The following C12orf42 variants were observed in gnomAD, a reference collection of about 807,000 sequenced individuals.
The protein encoded by C12orf42 is chromosome 12 open reading frame 42, also known as uncharacterized protein C12orf42.
C12orf42 carries 25 observed loss-of-function variants against 21.6 expected under a neutral mutation model. The observed-to-expected ratio is 1.16, with a 90% CI of 0.84 to 1.62. The LOEUF is 1.62. Ranked by LOEUF, C12orf42 falls within the 40% of genes most tolerant of loss-of-function variation. The pLI is 0.00. For missense variants in C12orf42, 483 were observed against 459.3 expected, an observed-to-expected ratio of 1.05 and a Z score of -0.47; for synonymous variants, 174 against 175.0, an observed-to-expected ratio of 0.99 and a Z score of 0.05.
At chr12:103,152,713 G>A in the C12orf42 span, among the ~76,000 whole-genome samples, 1 of 151,820 alleles carries the variant, frequency 6.6e-6, no homozygotes, top group Non-Finnish European at 1.5e-5. Context: ...ATATTTTGTG[G>A]CTAATAAGCA....
chr12:103,265,617 A>G (rs1380919756), downstream of C12orf42, among the ~76,000 whole-genome samples: 1 of 152,172 alleles, frequency 6.6e-6, no homozygotes, highest in African/African-American at 2.4e-5. Context: ...TTTACAGGTG[A>G]CAAAGACAAG....
chr12:103,276,981 T>C (rs929227441), intron 5 of C12orf42, among the ~76,000 whole-genome samples: 1 of 152,130 alleles, frequency 6.6e-6, no homozygotes, highest in African/African-American at 2.4e-5. Flanking sequence ...AGAGAAGGGA[T>C]TGAAAGAGAA....
chr12:103,315,178 TA>T (rs1464016203), intron 4 of C12orf42, among the ~76,000 whole-genome samples: 1 of 152,186 alleles, frequency 6.6e-6, no homozygotes, highest in East Asian at 1.9e-4. Flanking sequence ...TGGTTTTCAA[TA>T]AAAATTATGA....
At chr12:103,425,600 C>T (rs1949738792) in intron 2 of C12orf42, among the ~76,000 whole-genome samples, 2 of 152,316 alleles carry the variant, frequency 1.3e-5, no homozygotes, top group South Asian at 2.1e-4. Flanking sequence ...AGGGGCCTGA[C>T]TGTTAGAAGG....
the C12orf42 span, among the ~76,000 whole-genome samples, chr12:103,050,980 T>C: frequency 6.6e-6 from 1 of 152,174 alleles, no homozygotes; most frequent in African/African-American, 2.4e-5. Context: ...TCTGTGTACA[T>C]TCCTAAACGG....
chr12:103,262,189 T>C lies in C12orf42; in HGVS notation c.*1366+1137A>G, dbSNP rs2034930330. On this transcript the variant is annotated intron_variant and NMD_transcript_variant, in intron 10 of 10. Coordinates refer to the C12orf42 transcript ENST00000547347. ...AGATCACAGTCAAGAAACTTACAAT[T>C]ATTTGTACCTTTCAATTCAATAATT... 3 of 152,204 alleles carry C rather than the reference T, an allele frequency of 2.0e-5. No homozygotes were observed. In the South Asian group the frequency reaches 6.2e-4, roughly 32 times the overall value. 9.4% of individuals were successfully genotyped at this position (152,204 alleles called of 1,614,324 possible).
At chr12:103,260,904 C>T (rs1593230787) in intron 10 of C12orf42, among the ~76,000 whole-genome samples, 1 of 152,074 alleles carries the variant, frequency 6.6e-6, no homozygotes, top group Admixed American at 6.5e-5. Context: ...CTTAGTTGTC[C>T]CCTGAGTAGT....
chr12:103,397,975 C>T (rs746692850), intron 3 of C12orf42, among the ~76,000 whole-genome samples: 21 of 152,158 alleles, frequency 1.4e-4, no homozygotes, highest in Non-Finnish European at 3.1e-4. Flanking sequence ...ACACCCCAAA[C>T]ACACTGACTT....
the C12orf42 span, among the ~76,000 whole-genome samples, chr12:103,218,324 T>C: frequency 6.3e-4 from 96 of 151,658 alleles, 2 homozygotes; most frequent in Non-Finnish European, 1.2e-4. Context: ...TAGAATATAC[T>C]CTTCCTGAGG....
At chr12:103,249,043 A>C (rs2034148862) in intron 10 of C12orf42, among the ~76,000 whole-genome samples, 1 of 152,028 alleles carries the variant, frequency 6.6e-6, no homozygotes, top group Admixed American at 6.6e-5. Flanking sequence ...ATAAAACACA[A>C]CATTAAATGT....
the C12orf42 span, among the ~76,000 whole-genome samples, chr12:103,547,455 T>C: frequency 2.8e-4 from 43 of 152,258 alleles, no homozygotes; most frequent in Non-Finnish European, 1.5e-5. Context: ...CGTGATTGTC[T>C]AAATTTAAAT....
chr12:103,138,044 A>G, the C12orf42 span, among the ~76,000 whole-genome samples: 1 of 152,212 alleles, frequency 6.6e-6, no homozygotes. Flanking sequence ...CAACACATAG[A>G]AATAATAAAT....
the C12orf42 span, among the ~76,000 whole-genome samples, chr12:103,151,446 A>T: frequency 8.5e-5 from 13 of 152,216 alleles, no homozygotes; most frequent in African/African-American, 3.1e-4. Flanking sequence ...AAAATTACAG[A>T]TCAATATATT....
Position 103,458,315 on chromosome 12 carries a change from T to C in C12orf42, c.78+20034A>G, listed in dbSNP as rs143097085. 2.4e-3 allele frequency among the ~76,000 whole-genome samples: 361 copies of C among 151,800 alleles called. 1 individual carries two copies. The highest frequency in any genetic ancestry group is 8.0e-3 in the African/African-American group (331 of 41,170). The stretch of plus-strand genomic sequence containing the variant: ...AGACTCTGAAACTAGGAGATTTGTA[T>C]CTTTCTTTGTAGAAAAAAAAAAATA... On this transcript the variant is annotated intron_variant, in intron 2 of 5. Coordinates refer to ENST00000548883, the MANE Select transcript of C12orf42 (RefSeq NM_198521.5).
At chr12:103,115,216 T>C in the C12orf42 span, among the ~76,000 whole-genome samples, 1 of 152,230 alleles carries the variant, frequency 6.6e-6, no homozygotes, top group Non-Finnish European at 1.5e-5. Context: ...TGCTCTCAAA[T>C]TGTGGAACTG....
chr12:103,176,414 T>C, the C12orf42 span, among the ~76,000 whole-genome samples: 1 of 152,158 alleles, frequency 6.6e-6, no homozygotes, highest in Admixed American at 6.6e-5. Context: ...AAACAGCAAC[T>C]ACATTTTAGG....
At chr12:103,442,018 C>T (rs1382710287) in intron 2 of C12orf42, among the ~76,000 whole-genome samples, 8 of 151,976 alleles carry the variant, frequency 5.3e-5, no homozygotes, top group African/African-American at 9.7e-5. Flanking sequence ...GTGGTGTGCA[C>T]CTGTAGTCCC....
chr12:103,160,372 G>T, the C12orf42 span, among the ~76,000 whole-genome samples: 1 of 152,148 alleles, frequency 6.6e-6, no homozygotes, highest in Non-Finnish European at 1.5e-5. Context: ...CAATGTGAAA[G>T]GTTTATAGGA....
At chr12:103,387,447 AACTGC>A (rs1468531445) in intron 3 of C12orf42, among the ~76,000 whole-genome samples, 1 of 152,200 alleles carries the variant, frequency 6.6e-6, no homozygotes, top group Non-Finnish European at 1.5e-5. Context: ...ACAACCATCG[AACTGC>A]CATTTATTTT....
Sources: gnomAD v4.1 joint callset for allele counts (sites outside exome capture counted in the v4.1 genomes callset) on GRCh38, gnomAD v4.1.1 for gene constraint, MANE v1.5 for transcripts, NCBI Gene and HGNC (gene_info 2026-07-23, HGNC 2026-07-21) for gene names.